UGT1A3: variants seen among roughly 807,000 people sequenced by gnomAD.
UGT1A3 encodes UDP-glucuronosyltransferase 1A3.
UGT1A3 carries 31 observed loss-of-function variants against 41.0 expected under a neutral mutation model. The ratio of observed to expected loss-of-function variants is 0.76; its 90% confidence interval spans 0.57 to 1.02. UGT1A3 has a LOEUF of 1.02. UGT1A3 is among the 50% of genes least tolerant of loss of function. UGT1A3 has a pLI of 0.00. For synonymous variants in UGT1A3, 262 were observed against 257.6 expected (o/e 1.02, Z -0.17); for missense variants, 737 against 671.0 (o/e 1.10, Z -1.09).
Position 233,734,907 on chromosome 2 carries a change from A to G in UGT1A3, c.867+4914A>G, listed in dbSNP as rs551401777. Among the ~76,000 whole-genome samples, 233 of 152,140 alleles carry G rather than the reference A, an allele frequency of 1.5e-3. 2 individuals carry two copies. The highest frequency in any genetic ancestry group is 5.2e-3 in the African/African-American group (218 of 41,544). On this transcript the variant is annotated intron_variant, in intron 1 of 4. Coordinates refer to ENST00000482026, the MANE Select transcript of UGT1A3 (RefSeq NM_019093.4). The stretch of plus-strand genomic sequence containing the variant: ...TTTGTTGTGATTTCTATTCTTTTAC[A>G]TTTGCTAAGGAGTGCTTTACTTACA...
chr2:233,741,224 C>T lies in UGT1A3; in HGVS notation c.867+11231C>T, dbSNP rs565131356. ...AAAACTAGCCAGAGTTGTTACAGAC[C>T]CACTACCTCTGAGTGACACTGGTAT... On this transcript the variant is annotated intron_variant, in intron 1 of 4. Transcript: ENST00000482026. Among the ~76,000 whole-genome samples, 4 of 151,908 alleles carry T rather than the reference C, an allele frequency of 2.6e-5. No individual in the cohort carries two copies. The South Asian group carries it at 8.3e-4, about 32-fold the overall frequency.
At chr2:233,743,823 G>C (rs752406673) in intron 1 of UGT1A3, 36 of 1,367,252 alleles carry the variant, frequency 2.6e-5, no homozygotes, top group Non-Finnish European at 3.4e-5. Flanking sequence ...TTTTTGTCGG[G>C]GTGCCACTTG....
chr2:233,737,246 C>T (rs535872842), intron 1 of UGT1A3, among the ~76,000 whole-genome samples: 57 of 152,356 alleles, frequency 3.7e-4, no homozygotes, highest in African/African-American at 1.3e-3. Flanking sequence ...TGTTTACCTA[C>T]TCAAGCCTCA....
At chr2:233,751,192 T>A (rs984172323) in intron 1 of UGT1A3, among the ~76,000 whole-genome samples, 4 of 151,858 alleles carry the variant, frequency 2.6e-5, no homozygotes, top group African/African-American at 9.7e-5. Context: ...AAGTTAAAGG[T>A]GATAATTTTG....
chr2:233,762,807 C>G (rs1458193268), intron 1 of UGT1A3, among the ~76,000 whole-genome samples: 1 of 151,450 alleles, frequency 6.6e-6, no homozygotes, highest in Non-Finnish European at 1.5e-5. Flanking sequence ...GCTATCTCAT[C>G]AAAATATTGA....
intron 1 of UGT1A3, among the ~76,000 whole-genome samples, chr2:233,757,733 CA>C (rs1183069560): frequency 6.6e-6 from 1 of 151,564 alleles, no homozygotes; most frequent in Non-Finnish European, 1.5e-5. Context: ...AGATGATCTA[CA>C]GGGCACTGGA....
chr2:233,745,932 CAGCTGGGGGTT>C (rs1347994151), intron 1 of UGT1A3, among the ~76,000 whole-genome samples: 3 of 151,404 alleles, frequency 2.0e-5, no homozygotes, highest in East Asian at 3.9e-4. Context: ...TCAGAAGGGA[CAGCTGGGGGTT>C]GGGCAACTGG....
At chr2:233,743,408 C>T in intron 1 of UGT1A3, 1 of 1,315,376 alleles carries the variant, frequency 7.6e-7, no homozygotes. Flanking sequence ...GAAAGGCCCC[C>T]ACTTCCCAGG....
At chr2:233,737,836 G>A (rs1690606098) in intron 1 of UGT1A3, among the ~76,000 whole-genome samples, 1 of 151,904 alleles carries the variant, frequency 6.6e-6, no homozygotes, top group African/African-American at 2.4e-5. Flanking sequence ...TGGGAACTGT[G>A]GCACAGGTCA....
At chr2:233,732,137 TTTG>T (rs1309636549) in intron 1 of UGT1A3, among the ~76,000 whole-genome samples, 1 of 152,050 alleles carries the variant, frequency 6.6e-6, no homozygotes, top group African/African-American at 2.4e-5. Context: ...AGGTTGTTTG[TTTG>T]TTTTTTTTCT....
chr2:233,767,002 A>C, intron 1 of UGT1A3, 32 bp from the exon 2 acceptor site: 2 of 1,613,784 alleles, frequency 1.2e-6, no homozygotes, highest in Non-Finnish European at 1.7e-6. Flanking sequence ...ATATGAGAAA[A>C]AATTAACTGA....
intron 1 of UGT1A3, among the ~76,000 whole-genome samples, chr2:233,753,894 C>T (rs2125923149): frequency 6.6e-6 from 1 of 152,316 alleles, no homozygotes; most frequent in African/African-American, 2.4e-5. Flanking sequence ...TCAGAAGGAA[C>T]ATGCTTCTTA....
At chr2:233,759,349 A>C (rs900901642) in intron 1 of UGT1A3, among the ~76,000 whole-genome samples, 1 of 152,146 alleles carries the variant, frequency 6.6e-6, no homozygotes, top group African/African-American at 2.4e-5. Context: ...GAGCGCTGAA[A>C]ATCTCAACTA....
intron 1 of UGT1A3, 61 bp from the exon 2 acceptor site, chr2:233,766,972 CT>C: frequency 6.2e-7 from 1 of 1,611,258 alleles, no homozygotes; most frequent in Non-Finnish European, 8.5e-7. Context: ...TCATAACTTA[CT>C]GTATGTAGTC....
chr2:233,755,190 G>A, intron 1 of UGT1A3: 9 of 1,160,210 alleles, frequency 7.8e-6, no homozygotes, highest in Non-Finnish European at 7.2e-6. Context: ...CCACTTGAGC[G>A]CCAGCTTGCG....
In UGT1A3 at chr2:233,769,858, A is replaced by AC. The variant is rs557718673; in HGVS notation, c.1307+1419_1307+1420insC. The AC allele has an allele frequency of 9.4e-6, 1 of 106,936 alleles. No individual in the cohort carries two copies. Among genetic ancestry groups the AC allele is most frequent in the Non-Finnish European group, 1.7e-5 (1 of 60,026 alleles). 6.6% of individuals were successfully genotyped at this position (106,936 alleles called of 1,614,324 possible). On this transcript the variant is annotated intron_variant, in intron 4 of 4. Transcript: ENST00000482026. This position sits in a 1 kb window ranked among gnomAD's most constrained non-coding sequence, Gnocchi z 4.4. Reference sequence around the variant, plus strand: ...GGGCAACAGAGTGAGACCCTGTCTCAAAAAAAAAAAAAAAAATGAAAAGTC... The same window carrying AC: ...GGGCAACAGAGTGAGACCCTGTCTCACAAAAAAAAAAAAAAAATGAAAAGTC...
Position 233,767,830 on chromosome 2 carries a change from C to A in UGT1A3, c.1000-19C>A. 6.2e-7 allele frequency: 1 copy of A among 1,614,170 alleles called. No homozygotes were observed. The highest frequency in any genetic ancestry group is 8.5e-7 in the Non-Finnish European group (1 of 1,180,024). Reference sequence around the variant, plus strand: ...TATTATGTTCTTTCTTTACGTTCTGCTCTTTTTGCCCCTCCCAGGTCCTGT... The same window carrying A: ...TATTATGTTCTTTCTTTACGTTCTGATCTTTTTGCCCCTCCCAGGTCCTGT... On this transcript the variant is annotated intron_variant, in intron 2 of 4. Coordinates refer to ENST00000482026, the MANE Select transcript of UGT1A3 (RefSeq NM_019093.4).
At chr2:233,762,330 T>C (rs150255996) in intron 1 of UGT1A3, among the ~76,000 whole-genome samples, 11 of 152,350 alleles carry the variant, frequency 7.2e-5, no homozygotes, top group African/African-American at 1.9e-4. Flanking sequence ...TAATCCACAA[T>C]AGCTCTTTTT....
intron 1 of UGT1A3, among the ~76,000 whole-genome samples, chr2:233,732,755 G>GTTTTT (rs956485327): frequency 8.3e-6 from 1 of 120,224 alleles, no homozygotes; most frequent in African/African-American, 3.0e-5. Flanking sequence ...CACCAGCTTT[G>GTTTTT]TTTTTTTTTT....
Sources: gnomAD v4.1 joint callset for allele counts (sites outside exome capture counted in the v4.1 genomes callset) on GRCh38, gnomAD v4.1.1 for gene constraint, Gnocchi (gnomAD v3.1) non-coding constraint, MANE v1.5 for transcripts, NCBI Gene and HGNC (gene_info 2026-07-23, HGNC 2026-07-21) for gene names.